The following XNDC1N variants were observed in gnomAD, a reference collection of about 807,000 sequenced individuals.
XNDC1N encodes the protein protein XNDC1N.
chr11:71,886,363 C>G, the XNDC1N span, among the ~76,000 whole-genome samples: 367 of 152,178 alleles, frequency 2.4e-3, no homozygotes, highest in Middle Eastern at 0.01. Context: ...GAGGAACATG[C>G]ACCAGCTGAT....
At chr11:71,871,464 A>G in the XNDC1N span, among the ~76,000 whole-genome samples, 1 of 152,224 alleles carries the variant, frequency 6.6e-6, no homozygotes, top group Non-Finnish European at 1.5e-5. Flanking sequence ...ACTGCACAGC[A>G]TGGTGAATAT....
chr11:71,896,268 G>A, the XNDC1N span, among the ~76,000 whole-genome samples: 1 of 152,166 alleles, frequency 6.6e-6, no homozygotes, highest in Non-Finnish European at 1.5e-5. Context: ...AACAGAAAGA[G>A]ACTCCATCAC....
the XNDC1N span, chr11:71,893,652 C>T: frequency 3.3e-6 from 4 of 1,203,820 alleles, no homozygotes; most frequent in African/African-American, 4.6e-5. Context: ...CCACGTACTT[C>T]TTCCTCTCCA....
chr11:71,885,090 C>T, the XNDC1N span, among the ~76,000 whole-genome samples: 2 of 152,102 alleles, frequency 1.3e-5, no homozygotes, highest in Non-Finnish European at 2.9e-5. Flanking sequence ...TTTCACAAAC[C>T]GGTGTACACC....
the XNDC1N span, among the ~76,000 whole-genome samples, chr11:71,897,668 TAGAAAC>T: frequency 6.6e-6 from 1 of 152,182 alleles, no homozygotes; most frequent in Admixed American, 6.5e-5. Context: ...CTGGAAAAAT[TAGAAAC>T]AGAATGATCA....
the XNDC1N span, among the ~76,000 whole-genome samples, chr11:71,887,239 AC>A: frequency 6.6e-6 from 1 of 152,200 alleles, no homozygotes; most frequent in East Asian, 1.9e-4. Context: ...CATCGGAGCC[AC>A]GGGGGTTTCA....
At chr11:71,869,842 C>A in the XNDC1N span, among the ~76,000 whole-genome samples, 4 of 152,290 alleles carry the variant, frequency 2.6e-5, no homozygotes, top group African/African-American at 9.6e-5. Flanking sequence ...AGTTCTTGTG[C>A]TGCTTCTTTT....
At chr11:71,908,186 C>T in the XNDC1N span, among the ~76,000 whole-genome samples, 53 of 151,190 alleles carry the variant, frequency 3.5e-4, no homozygotes, top group East Asian at 5.2e-3. Context: ...TATGAATGAC[C>T]GATATTAATA....
chr11:71,913,335 C>A, the XNDC1N span, among the ~76,000 whole-genome samples: 1 of 152,010 alleles, frequency 6.6e-6, no homozygotes, highest in Non-Finnish European at 1.5e-5. Context: ...TAACCCCCTG[C>A]GATATTGGGA....
the XNDC1N span, among the ~76,000 whole-genome samples, chr11:71,885,854 G>A: frequency 0.026 from 3,887 of 151,274 alleles, 57 homozygotes; most frequent in East Asian, 0.077. Flanking sequence ...ATTAATATCA[G>A]GCATCATTAA....
At chr11:71,868,384 A>G in the XNDC1N span, among the ~76,000 whole-genome samples, 1 of 152,256 alleles carries the variant, frequency 6.6e-6, no homozygotes, top group Non-Finnish European at 1.5e-5. Context: ...GTCAATATCT[A>G]TGTAATTAAT....
the XNDC1N span, among the ~76,000 whole-genome samples, chr11:71,926,463 T>C: frequency 6.6e-6 from 1 of 152,324 alleles, no homozygotes; most frequent in Admixed American, 6.5e-5. Flanking sequence ...AGGATGTGGA[T>C]TTTTGTCATG....
chr11:71,915,162 T>C, the XNDC1N span, among the ~76,000 whole-genome samples: 2 of 152,016 alleles, frequency 1.3e-5, no homozygotes, highest in Non-Finnish European at 2.9e-5. Context: ...AGATTACGAC[T>C]CGCTGGCCGG....
chr11:71,915,249 C>A, the XNDC1N span, among the ~76,000 whole-genome samples: 2 of 152,064 alleles, frequency 1.3e-5, no homozygotes, highest in Non-Finnish European at 2.9e-5. Flanking sequence ...GAGATTGAGA[C>A]CACCGTGGCT....
chr11:71,885,691 A>G, the XNDC1N span, among the ~76,000 whole-genome samples: 3 of 152,144 alleles, frequency 2.0e-5, no homozygotes, highest in Non-Finnish European at 4.4e-5. Context: ...AGTGTGAATT[A>G]TACCTCATTT....
the XNDC1N span, among the ~76,000 whole-genome samples, chr11:71,882,996 A>G: frequency 4.6e-5 from 7 of 152,218 alleles, no homozygotes; most frequent in Non-Finnish European, 1.0e-4. Flanking sequence ...CCCATTCATA[A>G]TAGCAAGAAA....
the XNDC1N span, among the ~76,000 whole-genome samples, chr11:71,895,969 C>T: frequency 1.2e-4 from 19 of 152,106 alleles, no homozygotes; most frequent in Non-Finnish European, 2.6e-4. Context: ...GTCCTCACTT[C>T]TATGTAGGAA....
chr11:71,879,877 T>A, the XNDC1N span, among the ~76,000 whole-genome samples: 5 of 152,178 alleles, frequency 3.3e-5, no homozygotes, highest in Non-Finnish European at 7.4e-5. Context: ...TCATTTAGCA[T>A]AATGTTTTCA....
the XNDC1N span, among the ~76,000 whole-genome samples, chr11:71,927,055 C>A: frequency 6.6e-6 from 1 of 151,284 alleles, no homozygotes; most frequent in Non-Finnish European, 1.5e-5. Context: ...AGTTCAAGAC[C>A]AGCAACATAG....
Sources: gnomAD v4.1 joint callset for allele counts (sites outside exome capture counted in the v4.1 genomes callset) on GRCh38, gnomAD v4.1.1 for gene constraint, MANE v1.5 for transcripts, NCBI Gene and HGNC (gene_info 2026-07-23, HGNC 2026-07-21) for gene names.